EPB41: variants seen among roughly 807,000 people sequenced by gnomAD.
The protein encoded by EPB41 is protein 4.1.
Under a neutral mutation model 108.0 loss-of-function variants are expected in EPB41, and 65 were observed. The observed-to-expected ratio is 0.60, with a 90% confidence interval of 0.49 to 0.74. The LOEUF (loss-of-function observed/expected upper bound fraction) is 0.74. EPB41 is among the 30% of genes least tolerant of loss of function. EPB41 has a pLI of 0.00. For missense variants in EPB41, 875 were observed against 1,037.0 expected, an observed-to-expected ratio of 0.84 and a Z score of 2.15; for synonymous variants, 336 against 358.9, an observed-to-expected ratio of 0.94 and a Z score of 0.72.
chr1:28,995,888 T>C (rs1369727961), intron 3 of EPB41, among the ~76,000 whole-genome samples: 2 of 152,200 alleles, frequency 1.3e-5, no homozygotes, highest in Non-Finnish European at 2.9e-5. Context: ...AGAAAATTAT[T>C]TGATATGGAT....
chr1:29,080,629 TCCACCCTCC>T (rs765090439), intron 16 of EPB41, among the ~76,000 whole-genome samples: 2 of 152,106 alleles, frequency 1.3e-5, no homozygotes, highest in Non-Finnish European at 2.9e-5. Flanking sequence ...GCTCAGGCCA[TCCACCCTCC>T]CCAGCCTCCC....
chr1:29,060,659 G>A (rs181026141), intron 15 of EPB41, among the ~76,000 whole-genome samples, 175 bp downstream of exon 15: 16 of 152,244 alleles, frequency 1.1e-4, no homozygotes, highest in East Asian at 7.7e-4. Flanking sequence ...CAAACATCTC[G>A]CCTTCTGATT....
intron 8 of EPB41, among the ~76,000 whole-genome samples, chr1:29,031,580 T>G (rs2096789767): frequency 6.6e-6 from 1 of 152,204 alleles, no homozygotes; most frequent in African/African-American, 2.4e-5. Flanking sequence ...ATCCCAGGCC[T>G]GCTGAGTTAG....
intron 16 of EPB41, chr1:29,070,530 G>A (rs763204802): frequency 8.1e-7 from 1 of 1,232,126 alleles, no homozygotes; most frequent in Non-Finnish European, 1.0e-6. Flanking sequence ...CTCTACTTTA[G>A]TACTTTTCCA....
At chr1:28,967,646 C>T (rs191864128) in intron 1 of EPB41, among the ~76,000 whole-genome samples, 2 of 152,112 alleles carry the variant, frequency 1.3e-5, no homozygotes, top group East Asian at 3.9e-4. Flanking sequence ...TACTCTGTTT[C>T]CGAGGCTGGA....
chr1:28,915,787 C>T, intron 1 of EPB41, among the ~76,000 whole-genome samples: 1 of 105,960 alleles, frequency 9.4e-6, no homozygotes, highest in Non-Finnish European at 1.9e-5. Flanking sequence ...TATTTTCTTC[C>T]CTTCTGTTTT....
chr1:29,090,073 G>A (rs1332721236), intron 16 of EPB41, among the ~76,000 whole-genome samples: 1 of 152,128 alleles, frequency 6.6e-6, no homozygotes, highest in African/African-American at 2.4e-5. Flanking sequence ...AGACCAGCCT[G>A]GCCAACATGG....
rs2089591457 is a variant in EPB41 at position 28,887,703 on chromosome 1, C to T, written c.-8+493C>T. The stretch of plus-strand genomic sequence containing the variant: ...GCGCCCCGCTCCGGCCCTTACGTAA[C>T]TGACTTTGAGTTTCCGGACCCAGGA... On this transcript the variant is annotated intron_variant, in intron 1 of 16. Coordinates refer to the EPB41 transcript ENST00000347529. The surrounding 1 kb of genome is among the most constrained non-coding windows in gnomAD (Gnocchi z 4.9). 1.0e-6 allele frequency: 1 copy of T among 985,164 alleles called. No individual in the cohort carries two copies. The highest frequency in any genetic ancestry group is 1.2e-6 in the Non-Finnish European group (1 of 829,724). 61.0% of individuals were successfully genotyped at this position (985,164 alleles called of 1,614,324 possible).
chr1:28,928,418 G>C (rs2093570744), intron 1 of EPB41, among the ~76,000 whole-genome samples: 1 of 152,150 alleles, frequency 6.6e-6, no homozygotes, highest in Non-Finnish European at 1.5e-5. Flanking sequence ...CCTTAGGGGA[G>C]ACCACAGTTA....
chr1:28,992,698 T>A (rs1467180389), intron 2 of EPB41, among the ~76,000 whole-genome samples: 1 of 151,918 alleles, frequency 6.6e-6, no homozygotes, highest in Non-Finnish European at 1.5e-5. Flanking sequence ...CAAAAAAAAA[T>A]GTATACCAAA....
At chr1:28,971,911 T>C (rs575532935) in intron 1 of EPB41, among the ~76,000 whole-genome samples, 2 of 152,174 alleles carry the variant, frequency 1.3e-5, no homozygotes, top group East Asian at 3.9e-4. Context: ...GACACTTTTT[T>C]TTCTTTTGAG....
At chr1:28,992,171 G>A (rs1313968811) in intron 2 of EPB41, among the ~76,000 whole-genome samples, 1 of 152,160 alleles carries the variant, frequency 6.6e-6, no homozygotes, top group Non-Finnish European at 1.5e-5. Flanking sequence ...TGCAGTGAGA[G>A]GGTCATGAAA....
At chr1:28,937,743 T>C (rs1234066587) in intron 1 of EPB41, among the ~76,000 whole-genome samples, 1 of 152,240 alleles carries the variant, frequency 6.6e-6, no homozygotes, top group African/African-American at 2.4e-5. Context: ...TTGGTTGTTT[T>C]TGGTATCATA....
chr1:28,914,532 G>GGCGGGCGGGCT (rs980653514), upstream of EPB41: 1 of 150,456 alleles, frequency 6.6e-6, no homozygotes, highest in African/African-American at 2.4e-5. Flanking sequence ...GGCGCGGGCC[G>GGCGGGCGGGCT]GCGGGCGGGC....
intron 1 of EPB41, among the ~76,000 whole-genome samples, chr1:28,959,554 G>T (rs1571407937): frequency 6.6e-6 from 1 of 152,026 alleles, no homozygotes; most frequent in Admixed American, 6.6e-5. Flanking sequence ...GTTAACTGAT[G>T]AATAAAAGAG....
chr1:29,009,827 C>G (rs190075891), intron 4 of EPB41, among the ~76,000 whole-genome samples: 9 of 152,146 alleles, frequency 5.9e-5, no homozygotes, highest in African/African-American at 2.2e-4. Context: ...TATTAATTTT[C>G]TGGTTTAATT....
chr1:29,061,491 G>C (rs1646515654), intron 15 of EPB41, among the ~76,000 whole-genome samples: 2 of 150,746 alleles, frequency 1.3e-5, no homozygotes, highest in Admixed American at 1.3e-4. Context: ...GGATGGTCTG[G>C]ATCTCCTGAC....
intron 1 of EPB41, among the ~76,000 whole-genome samples, chr1:28,919,755 C>T (rs528985247): frequency 6.6e-6 from 1 of 152,118 alleles, no homozygotes; most frequent in Non-Finnish European, 1.5e-5. Flanking sequence ...GCATCCAGCC[C>T]AAAAGTCCTT....
rs185817232 is a variant in EPB41 at position 29,065,056 on chromosome 1, G to A, written c.2082G>A (p.Glu694=). Residue 694 remains glutamate, a synonymous_variant, in exon 16 of 21, where the codon GAG becomes GAA. Transcript: ENST00000343067. ...SISELKKNFM[E]SVPEPRPSEW... ...GTGAGCTGAAAAAGAACTTCATGGA[G>A]TCTGTACCAGAACCACGGCCTAGTG... 3 of 1,614,176 alleles carry A rather than the reference G, an allele frequency of 1.9e-6. No homozygotes were observed. Among genetic ancestry groups the A allele is most frequent in the East Asian group, 2.2e-5 (1 of 44,888 alleles).
Sources: gnomAD v4.1 joint callset for allele counts (sites outside exome capture counted in the v4.1 genomes callset) on GRCh38, gnomAD v4.1.1 for gene constraint, Gnocchi (gnomAD v3.1) non-coding constraint, MANE v1.5 for transcripts, NCBI Gene and HGNC (gene_info 2026-07-23, HGNC 2026-07-21) for gene names.